PFKFB3: variants seen among roughly 807,000 people sequenced by gnomAD.
PFKFB3 encodes 6-phosphofructo-2-kinase/fructose-2,6-bisphosphatase 3.
A neutral mutation model predicts 68.0 loss-of-function variants in PFKFB3; 33 were observed. The ratio of observed to expected loss-of-function variants is 0.49; its 90% CI spans 0.37 to 0.65. PFKFB3 has a LOEUF of 0.65. Ranked by LOEUF, PFKFB3 falls within the 30% of genes least tolerant of loss-of-function variation. PFKFB3 has a pLI of 0.00. For missense variants in PFKFB3, 586 were observed against 712.2 expected (o/e 0.82, Z 2.02); for synonymous variants, 315 against 288.2 (o/e 1.09, Z -0.94).
At chr10:6,277,353 TG>T in the PFKFB3 span, among the ~76,000 whole-genome samples, 1 of 151,902 alleles carries the variant, frequency 6.6e-6, no homozygotes, top group African/African-American at 2.4e-5. Context: ...CCTGAGTAGC[TG>T]GGATTACAGG....
intron 14 of PFKFB3, among the ~76,000 whole-genome samples, chr10:6,243,524 C>A (rs1203221035): frequency 6.6e-6 from 1 of 152,220 alleles, no homozygotes; most frequent in African/African-American, 2.4e-5. Context: ...TGCTGTCACC[C>A]TAGTCCCATC....
Position 6,215,204 on chromosome 10 carries a change from C to A in PFKFB3, c.203-17C>A, listed in dbSNP as rs1844484577. 2 of 1,607,744 alleles carry A rather than the reference C, an allele frequency of 1.2e-6. No individual in the cohort carries two copies. The highest frequency in any genetic ancestry group is 1.7e-6 in the Non-Finnish European group (2 of 1,174,500). On this transcript the variant is annotated splice_polypyrimidine_tract_variant and intron_variant, in intron 2 of 14. Coordinates refer to ENST00000379775, the MANE Select transcript of PFKFB3 (RefSeq NM_004566.4). The surrounding 1 kb of genome is among the most constrained non-coding windows in gnomAD (Gnocchi z 4.3). ...CTCCTGCTCGATCATCCAGACTGTT[C>A]TCTTTCCCGTCCACAGTGTTCAACG...
the PFKFB3 span, among the ~76,000 whole-genome samples, chr10:6,290,729 C>G: frequency 6.6e-6 from 1 of 152,182 alleles, no homozygotes; most frequent in East Asian, 1.9e-4. Context: ...GTTTCGAACT[C>G]CTGACCTCAG....
At position 6,154,499 on chromosome 10, in the gene PFKFB3, C is replaced by T. The variant is rs573708136; in HGVS notation, c.16+9486C>T. ...CTGAGTTCAAGTGATTTGCCCGCCTCGGCCTTCCAAAGTGCTGGGATCATA... is the reference window on the plus strand; with the variant it reads ...CTGAGTTCAAGTGATTTGCCCGCCTTGGCCTTCCAAAGTGCTGGGATCATA... On this transcript the variant is annotated intron_variant, in intron 1 of 14. Coordinates refer to the PFKFB3 transcript ENST00000379789. The surrounding 1 kb of genome is among the most constrained non-coding windows in gnomAD (Gnocchi z 4.6). Among the ~76,000 whole-genome samples, 6 of 152,300 alleles carry T rather than the reference C, an allele frequency of 3.9e-5. No homozygotes were observed. Among genetic ancestry groups the T allele is most frequent in the South Asian group, 4.1e-4 (2 of 4,830 alleles).
At chr10:6,243,225 C>T (rs545854625) in intron 14 of PFKFB3, among the ~76,000 whole-genome samples, 1 of 152,182 alleles carries the variant, frequency 6.6e-6, no homozygotes, top group South Asian at 2.1e-4. Flanking sequence ...AGAGAGATCC[C>T]TTTAACAACC....
At chr10:6,211,725 GT>G (rs1282131986) in intron 1 of PFKFB3, among the ~76,000 whole-genome samples, 2 of 152,240 alleles carry the variant, frequency 1.3e-5, no homozygotes, top group African/African-American at 4.8e-5. Context: ...TCGAGGAACT[GT>G]TTGTTCTAGG....
the PFKFB3 span, among the ~76,000 whole-genome samples, chr10:6,320,473 T>C: frequency 6.6e-6 from 1 of 151,616 alleles, no homozygotes; most frequent in African/African-American, 2.4e-5. Context: ...TTTTTTTTTT[T>C]GAGACAGGAT....
At chr10:6,212,392 G>A (rs192020308) in intron 1 of PFKFB3, among the ~76,000 whole-genome samples, 6 of 152,332 alleles carry the variant, frequency 3.9e-5, no homozygotes, top group East Asian at 3.9e-4. Flanking sequence ...TGCCAAGACC[G>A]TCATGTAGCA....
intron 1 of PFKFB3, among the ~76,000 whole-genome samples, chr10:6,155,200 T>TTTTTC (rs1449738387): frequency 1.2e-4 from 10 of 86,378 alleles, no homozygotes; most frequent in Admixed American, 1.2e-4. Flanking sequence ...CTTACGAGTT[T>TTTTTC]TTTTCTTTTT....
rs534357183 is a variant in PFKFB3, at chr10:6,221,527, G to A, written c.978G>A (p.Ala326=). The change falls in exon 9 of 15, where the codon GCG becomes GCA. Residue 326 remains alanine (A), a splice_region_variant and synonymous_variant. Transcript: ENST00000379775. The part of the protein sequence containing the change: ...EQWKALNEID[A]GVCEELTYEE... Reference sequence around the variant, plus strand: ...GGAAGGCGCTCAATGAGATCGACGCGGTGAGTCCTGGGAGGCGGGCAGGCA... The same window carrying A: ...GGAAGGCGCTCAATGAGATCGACGCAGTGAGTCCTGGGAGGCGGGCAGGCA... 8.7e-5 allele frequency: 140 copies of A among 1,613,130 alleles called. 3 individuals are homozygous for A. The Admixed American group carries it at 9.2e-4, about 11-fold the overall frequency.
chr10:6,242,385 G>A (rs1846159096), intron 14 of PFKFB3, among the ~76,000 whole-genome samples: 1 of 151,968 alleles, frequency 6.6e-6, no homozygotes, highest in Non-Finnish European at 1.5e-5. Context: ...TTATATTCCT[G>A]CCCAGGACGG....
rs757454975 is a variant in PFKFB3, at chr10:6,228,358, G to A, written c.1515+1993G>A. ...TCCGTGGGGGAAGGAGGAGATGGGC[G>A]TAGGAGTAGGGAGGAGAGATTCCTG... On this transcript the variant is annotated intron_variant, in intron 14 of 14. Coordinates refer to ENST00000379775, the MANE Select transcript of PFKFB3 (RefSeq NM_004566.4). The surrounding 1 kb of genome is among the most constrained non-coding windows in gnomAD (Gnocchi z 4.5). 1.4e-4 allele frequency: 127 copies of A among 886,032 alleles called. No homozygotes were observed. The highest frequency in any genetic ancestry group is 2.2e-4 in the Non-Finnish European group (117 of 537,420). 54.9% of individuals were successfully genotyped at this position (886,032 alleles called of 1,614,324 possible).
intron 1 of PFKFB3, chr10:6,146,609 T>C: frequency 9.1e-7 from 1 of 1,097,878 alleles, no homozygotes. Context: ...TCATCGCTTC[T>C]GCCCACTTTT....
the PFKFB3 span, among the ~76,000 whole-genome samples, chr10:6,290,401 G>A: frequency 6.6e-6 from 1 of 151,792 alleles, no homozygotes; most frequent in Admixed American, 6.6e-5. Context: ...TTTATTGAGA[G>A]TTTTTAGCAT....
In PFKFB3 at chr10:6,216,367, C is replaced by A. The variant is rs1017520112; in HGVS notation, c.366+176C>A. Among the ~76,000 whole-genome samples, 6 of 152,278 alleles carry A rather than the reference C, an allele frequency of 3.9e-5. No homozygotes were observed. The South Asian group carries it at 1.2e-3, about 32-fold the overall frequency. ...GTGGGGTGGACTCAGGGACCCACCC[C>A]CTCTGTGGCCAGTCCCACACCTCCA... On this transcript the variant is annotated intron_variant, in intron 4 of 14. Coordinates refer to ENST00000379775, the MANE Select transcript of PFKFB3 (RefSeq NM_004566.4).
At chr10:6,277,962 G>C in the PFKFB3 span, among the ~76,000 whole-genome samples, 1 of 150,992 alleles carries the variant, frequency 6.6e-6, no homozygotes, top group Admixed American at 6.6e-5. Context: ...CTGTCATCAA[G>C]CTGGAGTGCA....
upstream of PFKFB3, among the ~76,000 whole-genome samples, chr10:6,199,632 G>A (rs1843268433): frequency 6.8e-6 from 1 of 147,266 alleles, no homozygotes; most frequent in Admixed American, 6.8e-5. Context: ...CCACAGGTGC[G>A]AGCCACCATG....
chr10:6,206,060 G>A (rs1468134694), intron 1 of PFKFB3, among the ~76,000 whole-genome samples: 5 of 151,370 alleles, frequency 3.3e-5, no homozygotes, highest in Non-Finnish European at 7.4e-5. Context: ...TGGAGGGAAG[G>A]TCAGCAGATA....
chr10:6,254,591 A>G (rs945998792), exon 15 of PFKFB3: 5 of 369,208 alleles, frequency 1.4e-5, no homozygotes, highest in Non-Finnish European at 2.4e-5. Flanking sequence ...TTCCCATACA[A>G]CCATTCTGTT....
Sources: allele counts gnomAD v4.1 joint callset (sites outside exome capture counted in the v4.1 genomes callset), GRCh38; gene constraint gnomAD v4.1.1; non-coding constraint Gnocchi (gnomAD v3.1); transcripts MANE v1.5; gene names NCBI Gene and HGNC (gene_info 2026-07-23, HGNC 2026-07-21).